Variants in NTM observed in about 807,000 individuals in gnomAD.
NTM encodes neurotrimin.
Under a neutral mutation model 42.1 loss-of-function variants are expected in NTM, and 13 were observed. The ratio of observed to expected loss-of-function variants is 0.31; its 90% confidence interval spans 0.20 to 0.49. NTM has a LOEUF of 0.49. NTM is among the 20% of genes least tolerant of loss of function. The probability of loss-of-function intolerance (pLI) is 0.99; values close to 1 mark genes in which losing one functional copy is unlikely to be tolerated. For missense variants in NTM, 373 were observed against 452.8 expected, an observed-to-expected ratio of 0.82 and a Z score of 1.60; for synonymous variants, 187 against 179.2, an observed-to-expected ratio of 1.04 and a Z score of -0.35.
intron 2 of NTM, among the ~76,000 whole-genome samples, chr11:131,965,635 G>A (rs187473378): frequency 6.6e-6 from 1 of 152,316 alleles, no homozygotes; most frequent in East Asian, 1.9e-4. Flanking sequence ...AGTGCTTTGA[G>A]TAAGCTCGCT....
At position 131,834,810 on chromosome 11, in the gene NTM, A is replaced by G. The variant is rs537232705; in HGVS notation, c.83-76754A>G. Among the ~76,000 whole-genome samples the G allele has an allele frequency of 2.6e-5, 4 of 151,916 alleles. No individual in the cohort carries two copies. In the South Asian group the frequency reaches 8.3e-4, roughly 32 times the overall value. On this transcript the variant is annotated intron_variant, in intron 1 of 8. Transcript: ENST00000683400. ...AGGCATTTTTGATCTGTAGCCCATA[A>G]TTTAGATCACCCTGCTATACTGCCT...
At chr11:132,304,724 G>A (rs572542010) in intron 4 of NTM, among the ~76,000 whole-genome samples, 2 of 152,194 alleles carry the variant, frequency 1.3e-5, no homozygotes, top group East Asian at 3.9e-4. Flanking sequence ...GACAATGAAA[G>A]CTTAAATTTA....
At chr11:131,870,339 A>C (rs2047652975) in intron 1 of NTM, among the ~76,000 whole-genome samples, 1 of 152,348 alleles carries the variant, frequency 6.6e-6, no homozygotes, top group African/African-American at 2.4e-5. Context: ...ATACTATTGC[A>C]AATGAAATAG....
chr11:132,222,221 C>T (rs1428777356), intron 4 of NTM, among the ~76,000 whole-genome samples: 1 of 152,180 alleles, frequency 6.6e-6, no homozygotes, highest in Non-Finnish European at 1.5e-5. Context: ...GGCAGCTGAG[C>T]TCTTCCAACT....
intron 2 of NTM, among the ~76,000 whole-genome samples, chr11:131,917,630 G>A (rs75639226): frequency 0.085 from 12,941 of 152,278 alleles, 673 homozygotes; most frequent in South Asian, 0.19. Context: ...TGTTTGTGGA[G>A]TCTGCTGGCA....
At chr11:131,387,128 A>G (rs975158978) in intron 1 of NTM, among the ~76,000 whole-genome samples, 8 of 152,132 alleles carry the variant, frequency 5.3e-5, no homozygotes, top group African/African-American at 1.9e-4. Flanking sequence ...GGATATTTGA[A>G]TTTCCTTGGA....
At chr11:131,798,443 C>T (rs1022215885) in intron 1 of NTM, among the ~76,000 whole-genome samples, 31 of 152,210 alleles carry the variant, frequency 2.0e-4, no homozygotes, top group African/African-American at 7.5e-4. Context: ...GACATGGTAG[C>T]AGAGGTGGCA....
At chr11:131,682,140 T>G (rs550273938) in intron 1 of NTM, among the ~76,000 whole-genome samples, 1 of 152,206 alleles carries the variant, frequency 6.6e-6, no homozygotes, top group South Asian at 2.1e-4. Flanking sequence ...GTCATCTCCC[T>G]GGCACGAGGG....
intron 1 of NTM, among the ~76,000 whole-genome samples, chr11:131,423,927 T>A (rs949172074): frequency 6.6e-6 from 1 of 152,100 alleles, no homozygotes; most frequent in Non-Finnish European, 1.5e-5. Context: ...ATAAGTAGGG[T>A]GTTTCCATTT....
intron 7 of NTM, among the ~76,000 whole-genome samples, chr11:132,315,494 C>A (rs1344383351): frequency 2.0e-5 from 3 of 152,188 alleles, no homozygotes; most frequent in Non-Finnish European, 4.4e-5. Context: ...TTCCTTCATA[C>A]CCCATCAAGT....
intron 7 of NTM, among the ~76,000 whole-genome samples, chr11:132,318,354 T>A (rs1261077092): frequency 1.4e-4 from 22 of 152,178 alleles, no homozygotes; most frequent in Admixed American, 8.5e-4. Flanking sequence ...AGAATGCATG[T>A]TACAAAGGCT....
At chr11:131,554,186 G>C (rs149439319) in intron 1 of NTM, among the ~76,000 whole-genome samples, 21 of 152,166 alleles carry the variant, frequency 1.4e-4, no homozygotes, top group Non-Finnish European at 2.9e-4. Context: ...TCTCCCTTTC[G>C]AGATCATGTG....
At chr11:132,005,162 T>C (rs1406672454) in intron 2 of NTM, among the ~76,000 whole-genome samples, 1 of 151,984 alleles carries the variant, frequency 6.6e-6, no homozygotes, top group Non-Finnish European at 1.5e-5. Flanking sequence ...AAAATATCAC[T>C]CTCCAGGTCC....
rs2069938831 is a variant in NTM at position 132,003,605 on chromosome 11, C to G, written c.167+91957C>G. 6.6e-6 allele frequency among the ~76,000 whole-genome samples: 1 copy of G among 152,094 alleles called. No individual in the cohort carries two copies. The highest frequency in any genetic ancestry group is 2.4e-5 in the African/African-American group (1 of 41,412). On this transcript the variant is annotated intron_variant, in intron 2 of 8. Coordinates refer to ENST00000683400, the MANE Select transcript of NTM (RefSeq NM_001352005.2). This position sits in a 1 kb window ranked among gnomAD's most constrained non-coding sequence, Gnocchi z 6.0. ...ACTGATCCTTGTGGTCTGGGGACCA[C>G]ACTTTGAGAATGTGCTTTCAGCTCA...
chr11:131,806,925 G>T (rs2092520027), intron 1 of NTM, among the ~76,000 whole-genome samples: 1 of 152,158 alleles, frequency 6.6e-6, no homozygotes, highest in Non-Finnish European at 1.5e-5. Context: ...AGTTATTAGG[G>T]TATAAATATT....
At chr11:131,712,351 T>A (rs529871520) in intron 1 of NTM, among the ~76,000 whole-genome samples, 6 of 152,188 alleles carry the variant, frequency 3.9e-5, no homozygotes, top group Admixed American at 2.0e-4. Context: ...GGAGGAGTGC[T>A]GCTGTTAGCT....
chr11:131,576,643 A>G (rs2057962142), intron 1 of NTM, among the ~76,000 whole-genome samples: 1 of 152,216 alleles, frequency 6.6e-6, no homozygotes, highest in Admixed American at 6.5e-5. Flanking sequence ...TATAATCTCT[A>G]ATGGTAGATT....
intron 2 of NTM, among the ~76,000 whole-genome samples, chr11:132,107,163 C>T (rs1359338943): frequency 2.6e-5 from 4 of 151,964 alleles, no homozygotes; most frequent in East Asian, 1.9e-4. Context: ...AAAAGAAAGA[C>T]GCAGAGGCAT....
chr11:132,205,743 G>A (rs1408663355), intron 3 of NTM, among the ~76,000 whole-genome samples: 1 of 152,182 alleles, frequency 6.6e-6, no homozygotes, highest in African/African-American at 2.4e-5. Flanking sequence ...TGGCACGTCA[G>A]TTCTTACCCC....
Sources: gnomAD v4.1 joint callset for allele counts (sites outside exome capture counted in the v4.1 genomes callset) on GRCh38, gnomAD v4.1.1 for gene constraint, Gnocchi (gnomAD v3.1) non-coding constraint, MANE v1.5 for transcripts, NCBI Gene and HGNC (gene_info 2026-07-23, HGNC 2026-07-21) for gene names.